The following GRIK1 variants were observed in gnomAD, a reference collection of about 807,000 sequenced individuals.
GRIK1 encodes glutamate ionotropic receptor kainate type subunit 1.
In GRIK1, 69 loss-of-function variants were observed where a neutral mutation model predicts 105.7. That is an observed-to-expected ratio of 0.65 (90% CI 0.54 to 0.80). The LOEUF is 0.80. Among genes scored for constraint, GRIK1 ranks in the 30% least tolerant of loss-of-function variants. The pLI is 0.00. For synonymous variants in GRIK1, 438 were observed against 431.3 expected (o/e 1.02, Z -0.19); for missense variants, 1,109 against 1,167.3 (o/e 0.95, Z 0.73).
intron 1 of GRIK1, among the ~76,000 whole-genome samples, chr21:29,790,646 T>C (rs558140862): frequency 6.3e-4 from 95 of 151,852 alleles, no homozygotes; most frequent in African/African-American, 1.9e-3. Flanking sequence ...AGAGATGAGG[T>C]CTCACTATGT....
At chr21:29,643,665 A>G (rs1465798427) in intron 6 of GRIK1, among the ~76,000 whole-genome samples, 1 of 152,148 alleles carries the variant, frequency 6.6e-6, no homozygotes, top group Non-Finnish European at 1.5e-5. Flanking sequence ...TCCTCATGAA[A>G]TTCCTCTCAC....
chr21:29,915,712 A>C (rs2070972504), intron 1 of GRIK1, among the ~76,000 whole-genome samples: 1 of 152,014 alleles, frequency 6.6e-6, no homozygotes, highest in African/African-American at 2.4e-5. Flanking sequence ...GTACAGTTCC[A>C]CAGAAGCTTA....
intron 1 of GRIK1, among the ~76,000 whole-genome samples, chr21:29,909,973 C>T (rs1404160523): frequency 1.3e-5 from 2 of 152,118 alleles, no homozygotes; most frequent in Non-Finnish European, 2.9e-5. Context: ...GCTGAACCCT[C>T]GTCTGAATAT....
intron 16 of GRIK1, among the ~76,000 whole-genome samples, chr21:29,543,639 C>G (rs2090005589): frequency 6.6e-6 from 1 of 152,122 alleles, no homozygotes; most frequent in Admixed American, 6.5e-5. Flanking sequence ...GTGTTGATCA[C>G]CATATTAGCT....
chr21:29,553,684 T>C (rs1392204938), intron 16 of GRIK1: 1 of 1,580,746 alleles, frequency 6.3e-7, no homozygotes, highest in Non-Finnish European at 8.6e-7. Flanking sequence ...TACATTGCAG[T>C]CCATAAAAGA....
At chr21:29,852,830 G>A (rs468817) in intron 1 of GRIK1, among the ~76,000 whole-genome samples, 48,866 of 152,000 alleles carry the variant, frequency 0.32, 8,537 homozygotes, top group East Asian at 0.46. Flanking sequence ...ATTTGAAATT[G>A]CAGTAGGGAT....
Position 29,713,944 on chromosome 21 carries a change from G to A in GRIK1, c.119-19881C>T, listed in dbSNP as rs868670739. On this transcript the variant is annotated intron_variant, in intron 1 of 17. Coordinates refer to ENST00000327783, the MANE Select transcript of GRIK1 (RefSeq NM_001330994.2). ...CTGAGCTATAAGCCTGAACTGTCTTGTCTTTATAGTCTCAGCAACTGTATA... is the reference window on the plus strand; with the variant it reads ...CTGAGCTATAAGCCTGAACTGTCTTATCTTTATAGTCTCAGCAACTGTATA... Among the ~76,000 whole-genome samples, 28 of 152,118 alleles carry A rather than the reference G, an allele frequency of 1.8e-4. No individual in the cohort carries two copies. The Middle Eastern group carries it at 0.014, about 74-fold the overall frequency.
chr21:29,693,478 A>G (rs1341611932), intron 2 of GRIK1, among the ~76,000 whole-genome samples: 3 of 152,230 alleles, frequency 2.0e-5, no homozygotes, highest in Non-Finnish European at 2.9e-5. Flanking sequence ...TCAGTAGTTT[A>G]CAACCTGTTA....
chr21:29,568,991 G>T (rs1258337654), intron 14 of GRIK1, among the ~76,000 whole-genome samples: 1 of 152,174 alleles, frequency 6.6e-6, no homozygotes, highest in Non-Finnish European at 1.5e-5. Context: ...CTACCATCTG[G>T]TAAGTGCTTC....
chr21:29,907,318 C>T (rs1490095545), intron 1 of GRIK1, among the ~76,000 whole-genome samples: 3 of 151,882 alleles, frequency 2.0e-5, no homozygotes, highest in African/African-American at 7.3e-5. Context: ...AAGTGTGTGC[C>T]ATACTGAGAA....
intron 1 of GRIK1, among the ~76,000 whole-genome samples, chr21:29,823,667 A>G (rs192457091): frequency 6.2e-4 from 94 of 152,124 alleles, no homozygotes; most frequent in African/African-American, 2.2e-3. Flanking sequence ...TGATCTGAAT[A>G]TATTCCAACC....
chr21:29,595,169 A>T (rs1162429975), intron 9 of GRIK1, among the ~76,000 whole-genome samples: 2 of 152,050 alleles, frequency 1.3e-5, no homozygotes, highest in Non-Finnish European at 2.9e-5. Context: ...GAGGATCAAG[A>T]TCAGAAAGTT....
intron 10 of GRIK1, among the ~76,000 whole-genome samples, 195 bp from the exon 11 acceptor site, chr21:29,589,237 C>T (rs1392777008): frequency 2.0e-5 from 3 of 152,064 alleles, no homozygotes; most frequent in Admixed American, 6.6e-5. Context: ...TTCCCTTCTG[C>T]GTCTTTCGAT....
At chr21:29,859,247 G>A (rs898492318) in intron 1 of GRIK1, among the ~76,000 whole-genome samples, 7 of 151,770 alleles carry the variant, frequency 4.6e-5, no homozygotes, top group Admixed American at 1.3e-4. Context: ...AGCATTAGAA[G>A]ATATACCTAA....
intron 1 of GRIK1, among the ~76,000 whole-genome samples, chr21:29,797,743 G>A (rs144867085): frequency 7.9e-4 from 121 of 152,242 alleles, no homozygotes; most frequent in African/African-American, 2.8e-3. Context: ...TCTACATGAA[G>A]AGCAACACAA....
At chr21:29,852,001 AT>A (rs1007381651) in intron 1 of GRIK1, among the ~76,000 whole-genome samples, 11 of 152,032 alleles carry the variant, frequency 7.2e-5, no homozygotes, top group African/African-American at 2.7e-4. Flanking sequence ...CTTCTCCCTG[AT>A]TTCTTACCTC....
chr21:29,588,174 C>T (rs567023354), intron 11 of GRIK1, among the ~76,000 whole-genome samples: 1 of 151,624 alleles, frequency 6.6e-6, no homozygotes, highest in Non-Finnish European at 1.5e-5. Context: ...CGGGGTTTCA[C>T]TGTGTTAACC....
chr21:29,927,102 C>G (rs1037634494), intron 1 of GRIK1, among the ~76,000 whole-genome samples: 1 of 152,102 alleles, frequency 6.6e-6, no homozygotes, highest in African/African-American at 2.4e-5. Flanking sequence ...CCTGATGCCT[C>G]CCCGCTCCAC....
intron 1 of GRIK1, among the ~76,000 whole-genome samples, chr21:29,814,782 G>A (rs796103963): frequency 2.6e-5 from 4 of 152,210 alleles, no homozygotes; most frequent in African/African-American, 9.6e-5. Flanking sequence ...GTATGCATTA[G>A]GGTGTAGAGT....
Sources: allele counts gnomAD v4.1 joint callset (sites outside exome capture counted in the v4.1 genomes callset), GRCh38; gene constraint gnomAD v4.1.1; transcripts MANE v1.5; gene names NCBI Gene and HGNC (gene_info 2026-07-23, HGNC 2026-07-21).